MAGI2: variants seen among roughly 807,000 people sequenced by gnomAD.
MAGI2 encodes membrane associated guanylate kinase, WW and PDZ domain containing 2, also known as membrane-associated guanylate kinase, WW and PDZ domain-containing protein 2.
In MAGI2, 35 loss-of-function variants were observed where a neutral mutation model predicts 133.3. That is an observed-to-expected ratio of 0.26 (90% confidence interval 0.20 to 0.35). MAGI2 has a LOEUF of 0.35. Among genes scored for constraint, MAGI2 ranks in the 10% least tolerant of loss-of-function variants. MAGI2 has a pLI of 1.00. For missense variants in MAGI2, 1,636 were observed against 1,863.4 expected (o/e 0.88, Z 2.25); for synonymous variants, 729 against 710.6 (o/e 1.03, Z -0.41).
chr7:78,751,416 G>A (rs751669500), intron 2 of MAGI2, among the ~76,000 whole-genome samples: 4 of 152,100 alleles, frequency 2.6e-5, no homozygotes, highest in African/African-American at 9.7e-5. Context: ...TTTGACTCAC[G>A]CTCAGCAAAA....
At chr7:78,744,021 A>G (rs1822683275) in intron 2 of MAGI2, among the ~76,000 whole-genome samples, 1 of 152,184 alleles carries the variant, frequency 6.6e-6, no homozygotes. Flanking sequence ...CTTTAACTTG[A>G]AATGTTAGAA....
intron 9 of MAGI2, among the ~76,000 whole-genome samples, chr7:78,298,258 G>T (rs937850276): frequency 6.6e-6 from 1 of 152,174 alleles, no homozygotes; most frequent in Non-Finnish European, 1.5e-5. Flanking sequence ...TGGCCATGAG[G>T]AGTCTAACGA....
At chr7:78,041,894 G>A (rs1199669171) in intron 21 of MAGI2, among the ~76,000 whole-genome samples, 1 of 152,112 alleles carries the variant, frequency 6.6e-6, no homozygotes, top group Non-Finnish European at 1.5e-5. Flanking sequence ...GTCTGGGAGA[G>A]GTGAAGAGGT....
chr7:78,898,886 A>G (rs982736899), intron 2 of MAGI2, among the ~76,000 whole-genome samples: 1 of 152,104 alleles, frequency 6.6e-6, no homozygotes, highest in African/African-American at 2.4e-5. Flanking sequence ...ACTCTTCAGC[A>G]TATTTTACCT....
At chr7:78,780,494 T>G (rs542367092) in intron 2 of MAGI2, among the ~76,000 whole-genome samples, 31 of 152,338 alleles carry the variant, frequency 2.0e-4, no homozygotes, top group Non-Finnish European at 1.0e-4. Flanking sequence ...GTACTCCCAC[T>G]TGTTTTCAAA....
chr7:78,715,680 T>C (rs754461517), intron 2 of MAGI2, among the ~76,000 whole-genome samples: 10 of 152,154 alleles, frequency 6.6e-5, no homozygotes, highest in Admixed American at 6.5e-5. Flanking sequence ...AGTAAAATAA[T>C]AGTAGCATTA....
chr7:79,039,088 T>C (rs1425657355), intron 1 of MAGI2, among the ~76,000 whole-genome samples: 11 of 152,174 alleles, frequency 7.2e-5, no homozygotes, highest in Non-Finnish European at 8.8e-5. Flanking sequence ...GGAAGAACCA[T>C]GTGGGAGGTA....
chr7:79,292,243 T>C (rs1231340595), intron 1 of MAGI2, among the ~76,000 whole-genome samples: 1 of 152,166 alleles, frequency 6.6e-6, no homozygotes, highest in African/African-American at 2.4e-5. Flanking sequence ...AACATTTCAT[T>C]GGTCTGTATA....
Position 78,573,076 on chromosome 7 carries a change from TAC to T in MAGI2, c.539-51433_539-51432del, listed in dbSNP as rs1217454892. Among the ~76,000 whole-genome samples the T allele has an allele frequency of 4.8e-3, 254 of 52,514 alleles. 5 individuals carry two copies. The highest frequency in any genetic ancestry group is 0.02 in the East Asian group (19 of 962). The allele number at this position is 52,514 out of a possible 152,430, so 34.5% of individuals were successfully genotyped here. On this transcript the variant is annotated intron_variant, in intron 3 of 21. Coordinates refer to ENST00000354212, the MANE Select transcript of MAGI2 (RefSeq NM_012301.4). ...ATATATATATATATATATATATATA[TAC>T]ACACACACACACACACGGAGAGATA... is the stretch of plus-strand genomic sequence containing the variant.
At chr7:78,720,195 G>A (rs1820128736) in intron 2 of MAGI2, among the ~76,000 whole-genome samples, 1 of 152,068 alleles carries the variant, frequency 6.6e-6, no homozygotes, top group Non-Finnish European at 1.5e-5. Flanking sequence ...AAATTTAGAA[G>A]CAACATTTGG....
At chr7:78,877,234 G>C (rs1795499180) in intron 2 of MAGI2, among the ~76,000 whole-genome samples, 2 of 152,328 alleles carry the variant, frequency 1.3e-5, no homozygotes, top group African/African-American at 4.8e-5. Context: ...ATATAAAGTG[G>C]TGAGAGTTTT....
Position 78,163,836 on chromosome 7 carries a change from G to C in MAGI2, c.2597-3563C>G, listed in dbSNP as rs1210395483. Among the ~76,000 whole-genome samples the C allele has an allele frequency of 3.3e-5, 5 of 150,692 alleles. No homozygotes were observed. In the East Asian group the frequency reaches 9.8e-4, roughly 30 times the overall value. On this transcript the variant is annotated intron_variant, in intron 15 of 21. Transcript: ENST00000354212. The stretch of plus-strand genomic sequence containing the variant: ...GCAGGAGAATGGCAGGAACCCAGGA[G>C]GCAGAGCTTGCAGTGAGCTGAGATC...
At chr7:78,326,668 GAT>G (rs995164975) in intron 9 of MAGI2, among the ~76,000 whole-genome samples, 1 of 149,594 alleles carries the variant, frequency 6.7e-6, no homozygotes, top group Non-Finnish European at 1.5e-5. Flanking sequence ...AAAAATATAA[GAT>G]AGTATTTTTT....
chr7:78,720,448 C>T (rs1424733279), intron 2 of MAGI2, among the ~76,000 whole-genome samples: 1 of 151,986 alleles, frequency 6.6e-6, no homozygotes, highest in African/African-American at 2.4e-5. Flanking sequence ...GTGAAGCTGA[C>T]ATTTAAATCT....
chr7:79,336,351 G>A (rs918063841), intron 1 of MAGI2, among the ~76,000 whole-genome samples: 19 of 151,988 alleles, frequency 1.3e-4, no homozygotes, highest in African/African-American at 2.9e-4. Flanking sequence ...ACATCAGTAC[G>A]TTGGATAGTA....
At chr7:78,553,940 A>C (rs1354975929) in intron 3 of MAGI2, among the ~76,000 whole-genome samples, 1 of 152,182 alleles carries the variant, frequency 6.6e-6, no homozygotes, top group Non-Finnish European at 1.5e-5. Flanking sequence ...TGAAGGCCCA[A>C]CCTGAGTCTG....
At chr7:78,942,524 A>G (rs1801071556) in intron 2 of MAGI2, among the ~76,000 whole-genome samples, 2 of 152,138 alleles carry the variant, frequency 1.3e-5, no homozygotes, top group Admixed American at 6.6e-5. Context: ...CAAACTTAGC[A>G]TTTACAAAAC....
At chr7:78,673,187 A>T (rs1814594690) in intron 2 of MAGI2, among the ~76,000 whole-genome samples, 1 of 152,068 alleles carries the variant, frequency 6.6e-6, no homozygotes, top group African/African-American at 2.4e-5. Flanking sequence ...TCATTTCGTT[A>T]ATGACATTTA....
rs192308546 is a variant in MAGI2, at chr7:78,687,828, G to A, written c.419-60589C>T. ...TACTAAAAATACAAAAATTAGTTGG[G>A]CAGTATTGGCATACACCTGTAGTCC... On this transcript the variant is annotated intron_variant, in intron 2 of 21. Transcript: ENST00000354212. Among the ~76,000 whole-genome samples, 391 of 151,560 alleles carry A rather than the reference G, an allele frequency of 2.6e-3. 2 individuals carry two copies. The highest frequency in any genetic ancestry group is 4.1e-3 in the Non-Finnish European group (278 of 67,830).
Sources: allele counts gnomAD v4.1 joint callset (sites outside exome capture counted in the v4.1 genomes callset), GRCh38; gene constraint gnomAD v4.1.1; transcripts MANE v1.5; gene names NCBI Gene and HGNC (gene_info 2026-07-23, HGNC 2026-07-21).